NBN: variants seen among roughly 807,000 people sequenced by gnomAD.
NBN encodes nibrin, also known as Nijmegen breakage syndrome 1 (nibrin).
Under a neutral mutation model 90.8 loss-of-function variants are expected in NBN, and 88 were observed. That is an observed-to-expected ratio of 0.97 (90% confidence interval 0.82 to 1.16). The LOEUF (loss-of-function observed/expected upper bound fraction) is 1.16, where lower values mean the gene tolerates loss of function less well. Ranked by LOEUF, NBN falls within the 50% of genes most tolerant of loss-of-function variation. The pLI, the probability that NBN is intolerant of heterozygous loss-of-function variation, is 0.00. For missense variants in NBN, 894 were observed against 869.6 expected, an observed-to-expected ratio of 1.03 and a Z score of -0.35; for synonymous variants, 328 against 295.1, an observed-to-expected ratio of 1.11 and a Z score of -1.14.
rs185766424 is a variant in NBN, at chr8:89,947,770, G to A, written c.1914+54C>T. On this transcript the variant is annotated intron_variant, in intron 12 of 15. Transcript: ENST00000265433. ...AATGTAAAATCACAAAAATTGATGA[G>A]ATGACAGTCCCCGTAAGCCAAATCT... The A allele has an allele frequency of 1.0e-4, 101 of 985,616 alleles. No homozygotes were observed. The Admixed American group carries it at 1.9e-3, about 19-fold the overall frequency. The allele number at this position is 985,616 out of a possible 1,614,324, so 61.1% of individuals were successfully genotyped here. A position where few individuals can be genotyped will look rare whatever the true frequency, so the allele number is the denominator to read the frequency against.
At chr8:89,949,677 C>A (rs1810350931) in intron 11 of NBN, among the ~76,000 whole-genome samples, 2 of 152,160 alleles carry the variant, frequency 1.3e-5, no homozygotes, top group Admixed American at 1.3e-4. Flanking sequence ...AATTTAGATC[C>A]AAAAACAGAG....
chr8:89,937,134 T>C, intron 14 of NBN, 59 bp from the exon 15 acceptor site: 2 of 1,503,884 alleles, frequency 1.3e-6, no homozygotes, highest in East Asian at 2.3e-5. Context: ...AGTTAATGAA[T>C]TGCTATAGTG....
At chr8:89,973,732 C>T (rs1378581825) in intron 5 of NBN, among the ~76,000 whole-genome samples, 1 of 152,124 alleles carries the variant, frequency 6.6e-6, no homozygotes, top group Non-Finnish European at 1.5e-5. Flanking sequence ...ATTTCTGACA[C>T]TCTAGTAATT....
At chr8:89,976,661 C>T (rs1178238255) in intron 5 of NBN, among the ~76,000 whole-genome samples, 1 of 152,148 alleles carries the variant, frequency 6.6e-6, no homozygotes, top group African/African-American at 2.4e-5. Flanking sequence ...TGTGGGTGGC[C>T]CAGCCCCCTA....
At chr8:89,961,236 A>C (rs1307273398) in intron 8 of NBN, among the ~76,000 whole-genome samples, 10 of 152,210 alleles carry the variant, frequency 6.6e-5, no homozygotes. Context: ...GGGTGACAAT[A>C]TTTTGTTGCT....
intron 2 of NBN, chr8:89,982,044 T>C: frequency 1.2e-6 from 1 of 829,898 alleles, no homozygotes; most frequent in Non-Finnish European, 1.7e-6. Context: ...CTGAAGAAAT[T>C]CATATCGCAT....
In NBN at chr8:89,978,299, G is replaced by T. The variant is rs182756889; in HGVS notation, c.505C>A (p.Arg169Ser). 3.8e-6 allele frequency: 6 copies of T among 1,589,328 alleles called. No individual in the cohort carries two copies. Among genetic ancestry groups the T allele is most frequent in the Non-Finnish European group, 5.2e-6 (6 of 1,157,800 alleles). Reference sequence around the variant, plus strand: ...AAATATTCTGGCTTTACAATTGGACGTCCACAAATGAGTGCACATATTGTC... The same window carrying T: ...AAATATTCTGGCTTTACAATTGGACTTCCACAAATGAGTGCACATATTGTC... ...IKTICALICG[R>S]PIVKPEYFTE... is the part of the protein sequence containing the mutation. Residue 169 changes from arginine (R) to serine (S), a missense_variant, in exon 5 of 16, where the codon CGT becomes AGT. Transcript: ENST00000265433.
At position 89,934,216 on chromosome 8, in the gene NBN, A is replaced by G. The variant is rs1345364262; in HGVS notation, c.*1366T>C. The G allele has an allele frequency of 4.3e-6, 1 of 231,604 alleles. No homozygotes were observed. Among genetic ancestry groups the G allele is most frequent in the Non-Finnish European group, 8.5e-6 (1 of 117,086 alleles). 14.3% of individuals were successfully genotyped at this position (231,604 alleles called of 1,614,324 possible). ...AGACTCAAATGACTCCATTTCATCA[A>G]CTAATATGCCCTGTCAATTCTACTT... On this transcript the variant is annotated 3_prime_UTR_variant, in exon 16 of 16. Transcript: ENST00000265433.
At chr8:89,941,919 A>C (rs998058749) in intron 14 of NBN, among the ~76,000 whole-genome samples, 4 of 152,184 alleles carry the variant, frequency 2.6e-5, no homozygotes, top group Non-Finnish European at 4.4e-5. Context: ...CTGAGAAAAA[A>C]GCACTTTTAA....
At position 89,971,199 on chromosome 8, in the gene NBN, T is replaced by C; in HGVS notation, c.676A>G (p.Thr226Ala). ...TGTTTGGCATTCAAAAATATAAATG[T>C]TTTCCCTTTGAAGATTTGTTTTCTT... ...QERKQIFKGKTFIFLNAKQHK... is the reference protein window; with the variant it reads ...QERKQIFKGKAFIFLNAKQHK... Residue 226 changes from threonine (T) to alanine (A), a missense_variant, in exon 6 of 16, where the codon ACA becomes GCA. Transcript: ENST00000265433. 2 of 1,613,056 alleles carry C rather than the reference T, an allele frequency of 1.2e-6. No homozygotes were observed. Among genetic ancestry groups the C allele is most frequent in the South Asian group, 2.2e-5 (2 of 91,060 alleles).
At chr8:89,978,117 A>G in intron 5 of NBN, 103 bp downstream of exon 5, 1 of 1,045,766 alleles carries the variant, frequency 9.6e-7, no homozygotes, top group Non-Finnish European at 1.5e-6. Flanking sequence ...TAACACAGCA[A>G]CTATTACATC....
intron 7 of NBN, among the ~76,000 whole-genome samples, chr8:89,965,114 A>G (rs920721886): frequency 1.4e-5 from 2 of 148,074 alleles, no homozygotes; most frequent in Non-Finnish European, 3.0e-5. Flanking sequence ...ACTCCGTCTC[A>G]AAAAAAAAAA....
intron 7 of NBN, among the ~76,000 whole-genome samples, chr8:89,965,154 A>G (rs1811189435): frequency 6.6e-6 from 1 of 152,164 alleles, no homozygotes; most frequent in African/African-American, 2.4e-5. Context: ...GGCTTTTACA[A>G]ACAAATCTAC....
chr8:89,944,655 G>A (rs1810107621), intron 13 of NBN, among the ~76,000 whole-genome samples: 1 of 152,168 alleles, frequency 6.6e-6, no homozygotes, highest in African/African-American at 2.4e-5. Flanking sequence ...TTGGCTCACT[G>A]CAACCTCCGC....
At chr8:89,975,908 G>T (rs961027148) in intron 5 of NBN, among the ~76,000 whole-genome samples, 4 of 152,188 alleles carry the variant, frequency 2.6e-5, no homozygotes, top group African/African-American at 9.7e-5. Flanking sequence ...CTTCCTCAGG[G>T]AGGTTCCTCA....
At chr8:89,975,227 A>C (rs568911981) in intron 5 of NBN, among the ~76,000 whole-genome samples, 16 of 152,354 alleles carry the variant, frequency 1.1e-4, no homozygotes, top group African/African-American at 3.6e-4. Flanking sequence ...ATGTAGACAT[A>C]GCTGTACTAA....
At chr8:89,959,985 C>T (rs961742405) in intron 8 of NBN, among the ~76,000 whole-genome samples, 2 of 152,080 alleles carry the variant, frequency 1.3e-5, no homozygotes, top group Non-Finnish European at 2.9e-5. Flanking sequence ...TGCTACTTTC[C>T]CTTGTTAGAC....
intron 8 of NBN, among the ~76,000 whole-genome samples, chr8:89,960,086 A>C (rs1362882786): frequency 1.3e-5 from 2 of 152,228 alleles, no homozygotes; most frequent in African/African-American, 4.8e-5. Context: ...GATGTAAAAA[A>C]AGTTTACACT....
rs1554569655 is a variant in NBN, at chr8:89,984,517, G to A, written c.37+8C>T. The A allele has an allele frequency of 2.5e-6, 4 of 1,612,382 alleles. No individual in the cohort carries two copies. The highest frequency in any genetic ancestry group is 2.2e-5 in the East Asian group (1 of 44,870). Reference sequence around the variant, plus strand: ...AAATAGGCCCCGAGGCTTCCCTTCTGCCCTTACCTCCTGCCGGGCCCGCGG... The same window carrying A: ...AAATAGGCCCCGAGGCTTCCCTTCTACCCTTACCTCCTGCCGGGCCCGCGG... On this transcript the variant is annotated splice_region_variant and intron_variant, in intron 1 of 15. Coordinates refer to ENST00000265433, the MANE Select transcript of NBN (RefSeq NM_002485.5).
Sources: gnomAD v4.1 joint callset for allele counts (sites outside exome capture counted in the v4.1 genomes callset) on GRCh38, gnomAD v4.1.1 for gene constraint, MANE v1.5 for transcripts, NCBI Gene and HGNC (gene_info 2026-07-23, HGNC 2026-07-21) for gene names.